The following C2orf78 variants were observed in gnomAD, a reference collection of about 807,000 sequenced individuals.
C2orf78 encodes chromosome 2 open reading frame 78, also known as uncharacterized protein C2orf78.
C2orf78 carries 12 observed loss-of-function variants against 21.4 expected under a neutral mutation model. That is an observed-to-expected ratio of 0.56 (90% confidence interval 0.36 to 0.91). The LOEUF (loss-of-function observed/expected upper bound fraction) is 0.91. C2orf78 is among the 40% of genes least tolerant of loss of function. The pLI, the probability that C2orf78 is intolerant of heterozygous loss-of-function variation, is 0.01. For synonymous variants in C2orf78, 396 were observed against 413.9 expected (o/e 0.96, Z 0.52); for missense variants, 1,042 against 1,092.4 (o/e 0.95, Z 0.65).
chr2:73,811,598 G>A (rs1673090583), intron 1 of C2orf78, among the ~76,000 whole-genome samples: 2 of 152,100 alleles, frequency 1.3e-5, no homozygotes, highest in Admixed American at 1.3e-4. Flanking sequence ...AGAATAAAAA[G>A]TCAAGCCACA....
exon 3 of C2orf78, chr2:73,816,149 A>G (rs752416726): frequency 6.2e-7 from 1 of 1,613,918 alleles, no homozygotes; most frequent in Non-Finnish European, 8.5e-7. Context: ...CACTCGGGAA[A>G]AAGATCGATA....
intron 2 of C2orf78, among the ~76,000 whole-genome samples, chr2:73,814,554 G>A (rs1371961082): frequency 6.6e-6 from 1 of 152,124 alleles, no homozygotes; most frequent in Admixed American, 6.5e-5. Context: ...AGTCTCTTTG[G>A]AAGGCACTTC....
exon 3 of C2orf78, chr2:73,816,268 A>G: frequency 6.2e-7 from 1 of 1,613,922 alleles, no homozygotes. Flanking sequence ...CATGAGGGTA[A>G]AGGCCCGGAG....
chr2:73,813,357 A>G (rs898321962), intron 1 of C2orf78, 120 bp from the exon 2 acceptor site: 2 of 1,031,812 alleles, frequency 1.9e-6, no homozygotes, highest in Non-Finnish European at 2.7e-6. Context: ...TTGGTATCTC[A>G]GTGAGTATTG....
chr2:73,813,041 A>T (rs571784537), intron 1 of C2orf78, among the ~76,000 whole-genome samples: 1 of 152,334 alleles, frequency 6.6e-6, no homozygotes, highest in African/African-American at 2.4e-5. Flanking sequence ...AATGATATTA[A>T]CATAATGGTA....
exon 3 of C2orf78, chr2:73,815,639 G>C: frequency 6.2e-7 from 1 of 1,613,964 alleles, no homozygotes; most frequent in South Asian, 1.1e-5. Context: ...CCTCAGCAAA[G>C]AAAGCCAAAG....
chr2:73,817,085 A>T, exon 3 of C2orf78: 2 of 1,325,168 alleles, frequency 1.5e-6, no homozygotes, highest in South Asian at 3.7e-5. Flanking sequence ...TTTTTAAAAC[A>T]TAATAAAGAA....
chr2:73,784,219 T>C (rs2103964499), exon 1 of C2orf78: 3 of 1,513,860 alleles, frequency 2.0e-6, no homozygotes, highest in Non-Finnish European at 2.6e-6. Flanking sequence ...TGGTAGCATC[T>C]TGGGGTTTCC....
In C2orf78 at chr2:73,816,036, A is replaced by G. The variant is rs752856804; in HGVS notation, c.1813A>G (p.Met605Val). The change falls in exon 3 of 3, where the codon ATG (methionine) becomes GTG (valine). Residue 605 changes from methionine to valine, a missense_variant. This residue lies in a region of C2orf78 where 1,039 missense variants were observed against 1,069.7 expected (regional missense o/e 0.97). Transcript: ENST00000409561. The stretch of plus-strand genomic sequence containing the variant: ...AGAAGAGAAGCAAACCATTCCCAAT[A>G]TGAAACGGAAGAAAAATCAACCTGA... 10 of 1,613,914 alleles carry G rather than the reference A, an allele frequency of 6.2e-6. No individual in the cohort carries two copies. In the South Asian group the frequency reaches 9.9e-5, roughly 16 times the overall value.
rs865779725 is a variant in C2orf78 at position 73,816,975 on chromosome 2, T to C, written c.2752T>C (p.Tyr918His). ...AAGAGATATGGAAATTGCTGAATAC[T>C]ATGGCTACACAATCTAAGAGCTGAG... Residue 918 changes from tyrosine to histidine, a missense_variant, in exon 3 of 3, where the codon TAT (tyrosine) becomes CAT (histidine). This residue lies in a region of C2orf78 where 1,039 missense variants were observed against 1,069.7 expected (regional missense o/e 0.97). Coordinates refer to ENST00000409561, the Ensembl canonical transcript of C2orf78. 2.5e-6 allele frequency: 4 copies of C among 1,609,346 alleles called. No individual in the cohort carries two copies. The African/African-American group carries it at 4.0e-5, about 16-fold the overall frequency.
At chr2:73,814,060 A>G (rs756144331) in exon 2 of C2orf78, 16 of 1,613,900 alleles carry the variant, frequency 9.9e-6, no homozygotes, top group Non-Finnish European at 1.2e-5. Context: ...CCTGCCTGCA[A>G]TCTTATGGCT....
chr2:73,814,277 A>G (rs942278992), intron 2 of C2orf78, 51 bp downstream of exon 2: 222 of 1,509,996 alleles, frequency 1.5e-4, no homozygotes, highest in Non-Finnish European at 1.9e-4. Context: ...GTTGAAAAGG[A>G]GGGTCAAATC....
chr2:73,811,699 G>T (rs896483502), intron 1 of C2orf78, among the ~76,000 whole-genome samples: 1 of 151,894 alleles, frequency 6.6e-6, no homozygotes, highest in African/African-American at 2.4e-5. Context: ...TTTTTTAATT[G>T]GATTCTAGCA....
At chr2:73,811,993 G>A (rs985924768) in intron 1 of C2orf78, among the ~76,000 whole-genome samples, 13 of 151,946 alleles carry the variant, frequency 8.6e-5, no homozygotes, top group African/African-American at 2.9e-4. Context: ...CATATATTAT[G>A]GCTATTTTAC....
At chr2:73,808,719 G>A (rs1378428059) in intron 1 of C2orf78, 1 of 1,514,350 alleles carries the variant, frequency 6.6e-7, no homozygotes, top group East Asian at 2.5e-5. Context: ...GAATCTTGGG[G>A]TTTCCTGGGC....
chr2:73,808,174 A>T (rs1205521653), intron 1 of C2orf78, among the ~76,000 whole-genome samples: 1 of 151,032 alleles, frequency 6.6e-6, no homozygotes, highest in Non-Finnish European at 1.5e-5. Flanking sequence ...GAATGGCGTG[A>T]ACCTGGGAGG....
intron 1 of C2orf78, among the ~76,000 whole-genome samples, chr2:73,809,181 G>C (rs1250892622): frequency 6.6e-6 from 1 of 151,890 alleles, no homozygotes. Context: ...AGTCTTAAAG[G>C]GTATACGTAT....
chr2:73,814,294 G>A (rs1673149842), intron 2 of C2orf78, 68 bp downstream of exon 2: 22 of 1,474,694 alleles, frequency 1.5e-5, no homozygotes, highest in East Asian at 2.3e-5. Flanking sequence ...AATCTGTAGC[G>A]AGTGGTGAGT....
exon 2 of C2orf78, chr2:73,813,861 T>C: frequency 1.9e-6 from 3 of 1,613,990 alleles, no homozygotes; most frequent in Non-Finnish European, 2.5e-6. Flanking sequence ...TCCATGTCTA[T>C]GACAGCCCAG....
Sources: gnomAD v4.1 joint callset for allele counts (sites outside exome capture counted in the v4.1 genomes callset) on GRCh38, gnomAD v4.1.1 for gene constraint, gnomAD v4.1.1 regional missense constraint, MANE v1.5 for transcripts, NCBI Gene and HGNC (gene_info 2026-07-23, HGNC 2026-07-21) for gene names.